Variants in INCENP observed in about 807,000 individuals in gnomAD.
INCENP encodes binds and activates aurora-B and -C in vivo and in vitro.
A neutral mutation model predicts 107.3 loss-of-function variants in INCENP; 43 were observed. The ratio of observed to expected loss-of-function variants is 0.40; its 90% CI spans 0.31 to 0.52. The LOEUF is 0.52. INCENP is among the 20% of genes least tolerant of loss of function. The probability of loss-of-function intolerance (pLI) is 0.53; values close to 1 mark genes in which losing one functional copy is unlikely to be tolerated. For missense variants in INCENP, 1,089 were observed against 1,250.9 expected (o/e 0.87, Z 1.95); for synonymous variants, 488 against 494.4 (o/e 0.99, Z 0.17).
rs902262231 is a variant in INCENP at position 62,152,324 on chromosome 11, C to G, written c.*348C>G. ...GGTAGATTAATAAAGTATATTCCTT[C>G]AAGCCTGCTGTTGATACCATGAAGA... On this transcript the variant is annotated 3_prime_UTR_variant, in exon 19 of 19. Coordinates refer to ENST00000394818, the MANE Select transcript of INCENP (RefSeq NM_001040694.2). The G allele has an allele frequency of 5.0e-5, 15 of 301,440 alleles. No homozygotes were observed. Among genetic ancestry groups the G allele is most frequent in the Non-Finnish European group, 9.4e-5 (15 of 159,184 alleles). 18.7% of individuals were successfully genotyped at this position (301,440 alleles called of 1,614,324 possible).
intron 4 of INCENP, among the ~76,000 whole-genome samples, chr11:62,132,009 G>A (rs1201478478): frequency 1.3e-5 from 2 of 152,170 alleles, no homozygotes; most frequent in African/African-American, 2.4e-5. Flanking sequence ...GGCTGGTTTC[G>A]AACTCCTGAC....
intron 1 of INCENP, among the ~76,000 whole-genome samples, chr11:62,127,045 T>G (rs1026304827): frequency 1.2e-4 from 11 of 89,326 alleles, no homozygotes; most frequent in Non-Finnish European, 2.5e-4. Context: ...TTTGTTTTGT[T>G]TTTTTTTTTT....
At chr11:62,148,172 C>T (rs978563950) in intron 15 of INCENP, among the ~76,000 whole-genome samples, 1 of 152,160 alleles carries the variant, frequency 6.6e-6, no homozygotes, top group Non-Finnish European at 1.5e-5. Flanking sequence ...CATGTTGACC[C>T]TGGAGGAAAT....
At chr11:62,141,125 G>A in intron 10 of INCENP, 81 bp downstream of exon 10, 1 of 1,526,208 alleles carries the variant, frequency 6.6e-7, no homozygotes, top group South Asian at 1.2e-5. Context: ...TAAGATACTG[G>A]GAGTAGTGTG....
chr11:62,130,141 C>T lies in INCENP; in HGVS notation c.614C>T (p.Ala205Val), dbSNP rs1356752726. ...TLSPTPASAT[A>V]PTSQGIPTSD... Reference sequence around the variant, plus strand: ...TCCCCGACTCCAGCTTCAGCCACAGCTCCAACCTCCCAGGGCATCCCGACA... The same window carrying T: ...TCCCCGACTCCAGCTTCAGCCACAGTTCCAACCTCCCAGGGCATCCCGACA... The change falls in exon 4 of 19, where the codon GCT becomes GTT. Residue 205 changes from alanine to valine, a missense_variant. By Grantham distance (64) the Ala-to-Val change is moderately conservative. Transcript: ENST00000394818. 1.2e-6 allele frequency: 2 copies of T among 1,613,900 alleles called. No individual in the cohort carries two copies. Among genetic ancestry groups the T allele is most frequent in the East Asian group, 2.2e-5 (1 of 44,874 alleles).
chr11:62,128,893 G>A lies in INCENP; in HGVS notation c.254+10G>A. The A allele has an allele frequency of 1.9e-6, 3 of 1,573,372 alleles. No homozygotes were observed. The highest frequency in any genetic ancestry group is 1.3e-5 in the African/African-American group (1 of 74,206). On this transcript the variant is annotated intron_variant, in intron 3 of 18. Coordinates refer to ENST00000394818, the MANE Select transcript of INCENP (RefSeq NM_001040694.2). ...ATCCCATCAGGAGAAGGTAGGAGGG[G>A]TTGGGGGAGAGTGAGCTGAGCAGTG...
Position 62,146,815 on chromosome 11 carries a change from A to C in INCENP, c.2117A>C (p.Glu706Ala). 1.3e-6 allele frequency: 2 copies of C among 1,537,376 alleles called. No homozygotes were observed. The highest frequency in any genetic ancestry group is 8.8e-7 in the Non-Finnish European group (1 of 1,138,098). The change falls in exon 15 of 19, where the codon GAG (glutamate) becomes GCG (alanine). Residue 706 changes from glutamate (E) to alanine (A), a missense_variant. Coordinates refer to ENST00000394818, the MANE Select transcript of INCENP (RefSeq NM_001040694.2). ...ERREQERREQ[E>A]RREQERREQE... ...CGCGAGCAGGAGCGGCGCGAGCAGG[A>C]GCGGCGGGAGCAGGAGCGGCGCGAG...
intron 3 of INCENP, 107 bp from the exon 4 acceptor site, chr11:62,129,675 C>T: frequency 2.2e-6 from 2 of 925,860 alleles, no homozygotes; most frequent in Non-Finnish European, 3.2e-6. Flanking sequence ...GATCTTTTGC[C>T]TTCACCTTCT....
chr11:62,141,473 T>C (rs749695174), intron 10 of INCENP, 27 bp from the exon 11 acceptor site: 1 of 1,613,998 alleles, frequency 6.2e-7, no homozygotes, highest in Non-Finnish European at 8.5e-7. Flanking sequence ...GCATTAACTC[T>C]TGCCTTTTCC....
intron 14 of INCENP, among the ~76,000 whole-genome samples, chr11:62,146,064 G>C (rs1944236507): frequency 6.6e-6 from 1 of 152,202 alleles, no homozygotes; most frequent in Non-Finnish European, 1.5e-5. Flanking sequence ...TCTTCAAGTA[G>C]CAGTGAGGGT....
intron 1 of INCENP, among the ~76,000 whole-genome samples, chr11:62,124,562 G>C (rs1467269660): frequency 6.6e-6 from 1 of 152,242 alleles, no homozygotes; most frequent in Non-Finnish European, 1.5e-5. Flanking sequence ...CAGCTGAGCA[G>C]CATTTTAAAC....
rs1362063065 is a variant in INCENP, at chr11:62,128,137, C to T, written c.-11-14C>T. On this transcript the variant is annotated splice_polypyrimidine_tract_variant and intron_variant, in intron 1 of 18. Transcript: ENST00000394818. ...GGGCCCCTAACTTGTGCCTCTTGTC[C>T]CTGCCTTCACCAGACAGAGCCACCA... 2 of 1,613,570 alleles carry T rather than the reference C, an allele frequency of 1.2e-6. No individual in the cohort carries two copies. Among genetic ancestry groups the T allele is most frequent in the African/African-American group, 1.3e-5 (1 of 74,908 alleles).
intron 1 of INCENP, among the ~76,000 whole-genome samples, chr11:62,126,407 A>G (rs1232603707): frequency 6.6e-6 from 1 of 152,154 alleles, no homozygotes; most frequent in Non-Finnish European, 1.5e-5. Flanking sequence ...CACGTTGGCC[A>G]GGCTGGTCTT....
In INCENP at chr11:62,128,751, C is replaced by T; in HGVS notation, c.141-19C>T. 6.3e-7 allele frequency: 1 copy of T among 1,575,590 alleles called. No homozygotes were observed. The highest frequency in any genetic ancestry group is 8.7e-7 in the Non-Finnish European group (1 of 1,144,878). On this transcript the variant is annotated intron_variant, in intron 2 of 18. Coordinates refer to ENST00000394818, the MANE Select transcript of INCENP (RefSeq NM_001040694.2). Reference sequence around the variant, plus strand: ...GGTTCCCAGGCAGCCTCGAGTGACACCCTCCTTGTGCCAAACAGAGAATTC... The same window carrying T: ...GGTTCCCAGGCAGCCTCGAGTGACATCCTCCTTGTGCCAAACAGAGAATTC...
At chr11:62,135,820 T>C (rs1458860236) in intron 4 of INCENP, among the ~76,000 whole-genome samples, 1 of 152,134 alleles carries the variant, frequency 6.6e-6, no homozygotes, top group African/African-American at 2.4e-5. Flanking sequence ...AATTTTTTTT[T>C]TCTTTTTGAG....
intron 1 of INCENP, among the ~76,000 whole-genome samples, chr11:62,125,312 T>C (rs1943725589): frequency 6.6e-6 from 1 of 152,236 alleles, no homozygotes; most frequent in Admixed American, 6.5e-5. Flanking sequence ...TCATGGACTT[T>C]GTGAAAGAAG....
intron 14 of INCENP, 158 bp downstream of exon 14, chr11:62,145,909 G>A: frequency 2.2e-6 from 2 of 914,528 alleles, no homozygotes; most frequent in Non-Finnish European, 3.2e-6. Context: ...TCCAGGGCGG[G>A]GATGGTGACC....
intron 7 of INCENP, 33 bp from the exon 8 acceptor site, chr11:62,140,201 T>C: frequency 6.2e-7 from 1 of 1,609,878 alleles, no homozygotes; most frequent in South Asian, 1.1e-5. Flanking sequence ...CGCCATCGTT[T>C]CTGCAGCCTT....
chr11:62,124,484 T>C (rs931599361), intron 1 of INCENP, among the ~76,000 whole-genome samples: 2 of 152,204 alleles, frequency 1.3e-5, no homozygotes, highest in African/African-American at 2.4e-5. Context: ...ACCAACCCGG[T>C]TGTTTGGCGG....
Sources: allele counts gnomAD v4.1 joint callset (sites outside exome capture counted in the v4.1 genomes callset), GRCh38; gene constraint gnomAD v4.1.1; transcripts MANE v1.5; gene names NCBI Gene and HGNC (gene_info 2026-07-23, HGNC 2026-07-21).